The following GOLGA6L7 variants were observed in gnomAD, a reference collection of about 807,000 sequenced individuals.
The protein encoded by GOLGA6L7 is golgin subfamily A member 6-like protein 7.
GOLGA6L7 carries 29 observed loss-of-function variants against 68.9 expected under a neutral mutation model. The observed-to-expected ratio is 0.42, with a 90% CI of 0.31 to 0.57. The LOEUF is 0.57. Among genes scored for constraint, GOLGA6L7 ranks in the 20% least tolerant of loss-of-function variants. The pLI is 0.13. For synonymous variants in GOLGA6L7, 133 were observed against 197.4 expected (o/e 0.67, Z 2.73); for missense variants, 396 against 588.4 (o/e 0.67, Z 3.38).
At position 28,843,345 on chromosome 15, in the gene GOLGA6L7, G is replaced by A. The variant is rs928915361; in HGVS notation, c.759C>T (p.His253=). 7.8e-5 allele frequency: 51 copies of A among 655,554 alleles called. No individual in the cohort carries two copies. The African/African-American group carries it at 8.6e-4, about 11-fold the overall frequency. The allele number at this position is 655,554 out of a possible 1,614,324, so 40.6% of individuals were successfully genotyped here. ...GCTCCTGTCTCCACATCTTCTCCTC[G>A]TGCTTCCGTAGCTTCTCCTGATCCC... ...ELRDQEKLRK[H]EEKMWRQEQR... Residue 253 remains histidine (H), a synonymous_variant, in exon 9 of 9, where the codon CAC becomes CAT. Coordinates refer to ENST00000567390, the MANE Select transcript of GOLGA6L7 (RefSeq NM_001365371.2).
Position 28,843,952 on chromosome 15 carries a change from G to A in GOLGA6L7, c.522-77C>T, listed in dbSNP as rs752948676. 106 of 670,838 alleles carry A rather than the reference G, an allele frequency of 1.6e-4. No individual in the cohort carries two copies. The Middle Eastern group carries it at 2.1e-3, about 13-fold the overall frequency. 41.6% of individuals were successfully genotyped at this position (670,838 alleles called of 1,614,324 possible). On this transcript the variant is annotated intron_variant, in intron 7 of 8. Coordinates refer to ENST00000567390, the MANE Select transcript of GOLGA6L7 (RefSeq NM_001365371.2). The stretch of plus-strand genomic sequence containing the variant: ...CTTTGGTGATCGACCCTCTACCCTC[G>A]CCCCACAACCACAGAACCGTGGCAC...
rs967013313 is a variant in GOLGA6L7 at position 28,845,289 on chromosome 15, G to C, written c.462+240C>G. 5 of 611,108 alleles carry C rather than the reference G, an allele frequency of 8.2e-6. No individual in the cohort carries two copies. The African/African-American group carries it at 9.1e-5, about 11-fold the overall frequency. The allele number at this position is 611,108 out of a possible 1,614,324, so 37.9% of individuals were successfully genotyped here. ...CCAAGGCCACAGCCAAGTATGGGTG[G>C]GGTGGGCACTTGGCCTCCGAGCTCT... On this transcript the variant is annotated intron_variant, in intron 6 of 8. Coordinates refer to ENST00000567390, the MANE Select transcript of GOLGA6L7 (RefSeq NM_001365371.2).
intron 1 of GOLGA6L7, 118 bp downstream of exon 1, chr15:28,848,381 T>TGG (rs58669327): frequency 8.0e-6 from 5 of 622,718 alleles, no homozygotes; most frequent in Non-Finnish European, 1.5e-5. Flanking sequence ...CCAGAGGCAC[T>TGG]GGGGGGGGCC....
rs1595355320 is a variant in GOLGA6L7 at position 28,843,357 on chromosome 15, C to T, written c.747G>A (p.Lys249=). The part of the protein sequence containing the change: ...RDQEELRDQE[K]LRKHEEKMWR... ...ACATCTTCTCCTCGTGCTTCCGTAG[C>T]TTCTCCTGATCCCGTAGCTCCTCCT... Residue 249 remains lysine, a synonymous_variant, in exon 9 of 9, where the codon AAG becomes AAA. Transcript: ENST00000567390. 1.9e-5 allele frequency: 10 copies of T among 515,746 alleles called. 1 individual carries two copies. Among genetic ancestry groups the T allele is most frequent in the African/African-American group, 1.6e-4 (7 of 43,040 alleles). The allele number at this position is 515,746 out of a possible 1,614,324, so 31.9% of individuals were successfully genotyped here.
In GOLGA6L7 at chr15:28,843,785, G is replaced by T. The variant is rs538759026; in HGVS notation, c.612C>A (p.His204Gln). The part of the protein sequence containing the change: ...VETEKSEIQL[H>Q]IKELKRKLET... ...CCAGTTTCCTTTTTAGCTCCTTGATGTGGAGCTGGATCTCAGACTTTTCAG... is the reference window on the plus strand; with the variant it reads ...CCAGTTTCCTTTTTAGCTCCTTGATTTGGAGCTGGATCTCAGACTTTTCAG... Residue 204 changes from histidine (H) to glutamine (Q), a missense_variant, in exon 8 of 9, where the codon CAC (histidine) becomes CAA (glutamine). By Grantham distance (24) the His-to-Gln change is conservative. Coordinates refer to ENST00000567390, the MANE Select transcript of GOLGA6L7 (RefSeq NM_001365371.2). 1.4e-6 allele frequency: 1 copy of T among 689,762 alleles called. No homozygotes were observed. Among genetic ancestry groups the T allele is most frequent in the Non-Finnish European group, 2.6e-6 (1 of 392,144 alleles). The allele number at this position is 689,762 out of a possible 1,614,324, so 42.7% of individuals were successfully genotyped here.
At chr15:28,844,288 A>G in intron 6 of GOLGA6L7, 25 bp from the exon 7 acceptor site, 1 of 470,396 alleles carries the variant, frequency 2.1e-6, no homozygotes, top group Non-Finnish European at 3.7e-6. Context: ...AGGTCAAGTC[A>G]GGATACAGCA....
intron 5 of GOLGA6L7, 31 bp downstream of exon 5, chr15:28,845,687 T>G (rs1170468191): frequency 2.6e-6 from 2 of 762,376 alleles, no homozygotes; most frequent in East Asian, 2.4e-5. Flanking sequence ...AAGTGCCAGG[T>G]TGAAGGATGA....
chr15:28,847,021 C>G (rs773620400), intron 2 of GOLGA6L7, 43 bp downstream of exon 2: 4 of 869,912 alleles, frequency 4.6e-6, no homozygotes, highest in Middle Eastern at 2.8e-4. Context: ...CGACCTCCCC[C>G]TTGTGCCCCT....
intron 2 of GOLGA6L7, 83 bp from the exon 3 acceptor site, chr15:28,846,332 G>A (rs1258527750): frequency 1.4e-6 from 1 of 729,126 alleles, no homozygotes; most frequent in Admixed American, 1.9e-5. Flanking sequence ...GCAGGGGTCA[G>A]GAATGGATTT....
chr15:28,846,003 C>T lies in GOLGA6L7; in HGVS notation c.211-53G>A, dbSNP rs546467613. On this transcript the variant is annotated intron_variant, in intron 3 of 8. Coordinates refer to ENST00000567390, the MANE Select transcript of GOLGA6L7 (RefSeq NM_001365371.2). The stretch of plus-strand genomic sequence containing the variant: ...TCTTACTAGAGGGAGGCAGAGATGG[C>T]ACAGCAAGAGACATGCCCCCAGAAT... 7.3e-6 allele frequency: 7 copies of T among 952,976 alleles called. No homozygotes were observed. In the African/African-American group the frequency reaches 9.9e-5, roughly 14 times the overall value. The allele number at this position is 952,976 out of a possible 1,614,324, so 59.0% of individuals were successfully genotyped here.
chr15:28,843,181 T>G lies in GOLGA6L7; in HGVS notation c.923A>C (p.Lys308Thr). 2.0e-6 allele frequency: 1 copy of G among 494,526 alleles called. No individual in the cohort carries two copies. The highest frequency in any genetic ancestry group is 2.2e-5 in the African/African-American group (1 of 45,424). The allele number at this position is 494,526 out of a possible 1,614,324, so 30.6% of individuals were successfully genotyped here. Residue 308 changes from lysine (K) to threonine (T), a missense_variant, in exon 9 of 9, where the codon AAG becomes ACG. Lys to Thr is a moderately conservative substitution (Grantham distance 78). Transcript: ENST00000567390. ...CTGCTTCCGCATCTGCTCCTCCTGC[T>G]TCCGCATCTGCTCCTCCTGCTTCCG... ...QMRKQEEQMRKQEEQMRKQEE... is the reference protein window; with the variant it reads ...QMRKQEEQMRTQEEQMRKQEE...
Position 28,845,913 on chromosome 15 carries a change from C to A in GOLGA6L7, c.248G>T (p.Arg83Met), listed in dbSNP as rs762240476. 11 of 1,281,968 alleles carry A rather than the reference C, an allele frequency of 8.6e-6. No individual in the cohort carries two copies. The South Asian group carries it at 1.2e-4, about 14-fold the overall frequency. 79.4% of individuals were successfully genotyped at this position (1,281,968 alleles called of 1,614,324 possible). The part of the protein sequence containing the change: ...KASHQHQQAL[R>M]RQLEAQDHTI... ...CCCTCCACTCACCTCTAGCTGCCTC[C>A]TTAGGGCTTGCTGATGTTGGTGGCT... is the stretch of plus-strand genomic sequence containing the variant. The change falls in exon 4 of 9, where the codon AGG (arginine) becomes ATG (methionine). Residue 83 changes from arginine (R) to methionine (M), a missense_variant. Physicochemically the swap from Arg to Met is moderately conservative, Grantham distance 91. Transcript: ENST00000567390.
In GOLGA6L7 at chr15:28,842,888, T is replaced by G. The variant is rs1303424702; in HGVS notation, c.1216A>C (p.Lys406Gln). The G allele has an allele frequency of 8.4e-7, 1 of 1,196,846 alleles. No individual in the cohort carries two copies. The highest frequency in any genetic ancestry group is 2.0e-5 in the African/African-American group (1 of 50,930). The allele number at this position is 1,196,846 out of a possible 1,614,324, so 74.1% of individuals were successfully genotyped here. The stretch of plus-strand genomic sequence containing the variant: ...TGCTCCCCCATCTGCTCCTCCTGCT[T>G]CCACATCTGCTCCTCCTGCTTTCGC... ...QMRKQEEQMW[K>Q]QEEQMGEQMR... is the part of the protein sequence containing the mutation. The change falls in exon 9 of 9, where the codon AAG (lysine) becomes CAG (glutamine). Residue 406 changes from lysine to glutamine, a missense_variant. Transcript: ENST00000567390.
At chr15:28,844,066 C>T in intron 7 of GOLGA6L7, 139 bp downstream of exon 7, 1 of 569,564 alleles carries the variant, frequency 1.8e-6, no homozygotes, top group South Asian at 2.4e-5. Flanking sequence ...GTCAGTGGCA[C>T]AGCCGGCACT....
chr15:28,847,372 A>G (rs1234499877), intron 1 of GOLGA6L7, among the ~76,000 whole-genome samples, 180 bp from the exon 2 acceptor site: 2 of 150,898 alleles, frequency 1.3e-5, no homozygotes, highest in East Asian at 3.9e-4. Flanking sequence ...GAAAGGCAAT[A>G]ATGGAACTGA....
At chr15:28,848,170 G>T (rs1187206834) in intron 1 of GOLGA6L7, among the ~76,000 whole-genome samples, 1 of 152,190 alleles carries the variant, frequency 6.6e-6, no homozygotes, top group Non-Finnish European at 1.5e-5. Flanking sequence ...GTGAGGGCAG[G>T]TGCTGGGGCA....
At position 28,842,584 on chromosome 15, in the gene GOLGA6L7, C is replaced by T. The variant is rs2030230511; in HGVS notation, c.1520G>A (p.Trp507Ter). 12 of 1,284,154 alleles carry T rather than the reference C, an allele frequency of 9.3e-6. No individual in the cohort carries two copies. Among genetic ancestry groups the T allele is most frequent in the Non-Finnish European group, 1.2e-5 (12 of 1,019,672 alleles). The allele number at this position is 1,284,154 out of a possible 1,614,324, so 79.5% of individuals were successfully genotyped here. Reference protein sequence around the residue: ...ERLQFKEERLWDEYEKMQEEE... With the variant: ...ERLQFKEERL ...CTCCTGCATCTTCTCATACTCATCC[C>T]ACAGCCTCTCCTCCTTGAATTGCAG... The change falls in exon 9 of 9, where the codon TGG becomes TAG. Residue 507 changes from tryptophan (W) to a stop codon, truncating the protein, a stop_gained. Transcript: ENST00000567390. LOFTEE classifies it high-confidence loss of function.
At chr15:28,848,298 T>C (rs1163833585) in intron 1 of GOLGA6L7, among the ~76,000 whole-genome samples, 3 of 151,850 alleles carry the variant, frequency 2.0e-5, no homozygotes, top group Non-Finnish European at 4.4e-5. Flanking sequence ...AAAGTCACCC[T>C]GGGGTGACCG....
intron 3 of GOLGA6L7, 32 bp from the exon 4 acceptor site, chr15:28,845,982 A>C: frequency 2.8e-6 from 3 of 1,080,920 alleles, no homozygotes; most frequent in Non-Finnish European, 4.2e-6. Flanking sequence ...CAGAGCTCTT[A>C]CTAGAGGGAG....
Sources: gnomAD v4.1 joint callset for allele counts (sites outside exome capture counted in the v4.1 genomes callset) on GRCh38, gnomAD v4.1.1 for gene constraint, MANE v1.5 for transcripts, NCBI Gene and HGNC (gene_info 2026-07-23, HGNC 2026-07-21) for gene names.